SHISA9: variants seen among roughly 807,000 people sequenced by gnomAD.
SHISA9 encodes the protein protein shisa-9.
In SHISA9, 13 loss-of-function variants were observed where a neutral mutation model predicts 38.0. The ratio of observed to expected loss-of-function variants is 0.34; its 90% CI spans 0.22 to 0.54. The LOEUF (loss-of-function observed/expected upper bound fraction) is 0.54, where lower values mean the gene tolerates loss of function less well. Among genes scored for constraint, SHISA9 ranks in the 20% least tolerant of loss-of-function variants. SHISA9 has a pLI of 0.91. For synonymous variants in SHISA9, 275 were observed against 242.0 expected (o/e 1.14, Z -1.27); for missense variants, 538 against 575.8 (o/e 0.93, Z 0.67).
intron 2 of SHISA9, among the ~76,000 whole-genome samples, chr16:12,989,622 A>T (rs1367522275): frequency 6.6e-6 from 1 of 152,004 alleles, no homozygotes; most frequent in Non-Finnish European, 1.5e-5. Flanking sequence ...CTAAGAATGT[A>T]TGTCTACTTA....
intron 2 of SHISA9, among the ~76,000 whole-genome samples, chr16:12,934,874 A>G (rs1462619991): frequency 6.6e-6 from 1 of 152,184 alleles, no homozygotes; most frequent in South Asian, 2.1e-4. Context: ...CTTAAGCAAA[A>G]AAGGGAAATC....
At chr16:12,917,311 C>G (rs981232588) in intron 2 of SHISA9, among the ~76,000 whole-genome samples, 2 of 152,132 alleles carry the variant, frequency 1.3e-5, no homozygotes, top group African/African-American at 4.8e-5. Context: ...CTTTGTAACG[C>G]TAGAGTTTCA....
chr16:12,998,680 G>T (rs2072488638), intron 2 of SHISA9, among the ~76,000 whole-genome samples: 1 of 152,080 alleles, frequency 6.6e-6, no homozygotes, highest in South Asian at 2.1e-4. Context: ...ACAGGCATGG[G>T]CCCCCATGCT....
chr16:13,242,018 A>C (rs2051439153), downstream of SHISA9, among the ~76,000 whole-genome samples: 1 of 152,200 alleles, frequency 6.6e-6, no homozygotes, highest in Non-Finnish European at 1.5e-5. Flanking sequence ...CAACAACAAC[A>C]ATAATCATAG....
chr16:13,108,992 T>C lies in SHISA9; in HGVS notation c.692-94402T>C, dbSNP rs1006416424. On this transcript the variant is annotated intron_variant, in intron 2 of 4. Transcript: ENST00000558583. Reference sequence around the variant, plus strand: ...AGGGGTGTGACAGGTATATGATGATTCAGGGTGGCTGCTTTGACCTGGCTC... The same window carrying C: ...AGGGGTGTGACAGGTATATGATGATCCAGGGTGGCTGCTTTGACCTGGCTC... Among the ~76,000 whole-genome samples the C allele has an allele frequency of 1.1e-4, 16 of 152,300 alleles. No individual in the cohort carries two copies. In the South Asian group the frequency reaches 3.1e-3, roughly 30 times the overall value.
intron 4 of SHISA9, among the ~76,000 whole-genome samples, chr16:13,231,771 A>G (rs1292403437): frequency 2.0e-5 from 3 of 152,212 alleles, no homozygotes; most frequent in Non-Finnish European, 4.4e-5. Flanking sequence ...AATGATGTCT[A>G]GCATAGACAC....
the SHISA9 span, among the ~76,000 whole-genome samples, chr16:13,511,109 G>A: frequency 6.6e-6 from 1 of 152,164 alleles, no homozygotes; most frequent in Non-Finnish European, 1.5e-5. Context: ...TATAAATCAA[G>A]AGTAACTACT....
intron 2 of SHISA9, among the ~76,000 whole-genome samples, chr16:13,155,381 C>T (rs1489692706): frequency 6.6e-6 from 1 of 152,108 alleles, no homozygotes; most frequent in Non-Finnish European, 1.5e-5. Context: ...AAGTTGGTAG[C>T]TTAGTTCTTT....
chr16:13,559,541 C>G, the SHISA9 span, among the ~76,000 whole-genome samples: 1 of 151,904 alleles, frequency 6.6e-6, no homozygotes, highest in East Asian at 1.9e-4. Flanking sequence ...CCATGTCTGG[C>G]TAATTTTATA....
chr16:13,103,729 G>C (rs1312952789), intron 2 of SHISA9, among the ~76,000 whole-genome samples: 2 of 152,210 alleles, frequency 1.3e-5, no homozygotes, highest in Non-Finnish European at 2.9e-5. Flanking sequence ...CTTGCTTTCA[G>C]CTGACTGCAT....
rs1158814708 is a variant in SHISA9 at position 12,918,824 on chromosome 16, C to G, written c.691+2009C>G. On this transcript the variant is annotated intron_variant, in intron 2 of 4. Transcript: ENST00000558583. ...AACACTACATTCTTACAAGAATTGC[C>G]CAGATATTAATTTTATATAATCCTT... Among the ~76,000 whole-genome samples, 8 of 151,984 alleles carry G rather than the reference C, an allele frequency of 5.3e-5. No individual in the cohort carries two copies. In the East Asian group the frequency reaches 7.7e-4, roughly 15 times the overall value.
the SHISA9 span, among the ~76,000 whole-genome samples, chr16:13,277,669 CT>C: frequency 6.8e-6 from 1 of 147,950 alleles, no homozygotes; most frequent in Non-Finnish European, 1.5e-5. Context: ...TTTTTTTTTT[CT>C]TTTTTTGCAG....
At chr16:13,218,263 T>A (rs892982068) in intron 4 of SHISA9, among the ~76,000 whole-genome samples, 2 of 152,048 alleles carry the variant, frequency 1.3e-5, no homozygotes, top group African/African-American at 4.8e-5. Context: ...GCCCACTCAC[T>A]CCTAAGGAAT....
intron 2 of SHISA9, among the ~76,000 whole-genome samples, chr16:12,982,929 C>T (rs2072259782): frequency 6.6e-6 from 1 of 152,204 alleles, no homozygotes; most frequent in Non-Finnish European, 1.5e-5. Context: ...GTGAAATCTT[C>T]CCCATCCCCA....
rs148293686 is a variant in SHISA9 at position 12,960,842 on chromosome 16, C to T, written c.691+44027C>T. Among the ~76,000 whole-genome samples the T allele has an allele frequency of 4.6e-3, 698 of 152,222 alleles. 5 individuals are homozygous for T. The highest frequency in any genetic ancestry group is 7.1e-3 in the Non-Finnish European group (481 of 68,022). ...TCTTCCCTATCTCAGCCCTGTTTTC[C>T]TTTCCTTCCAGGAACATTTTGGTAA... is the stretch of plus-strand genomic sequence containing the variant. On this transcript the variant is annotated intron_variant, in intron 2 of 4. Coordinates refer to ENST00000558583, the MANE Select transcript of SHISA9 (RefSeq NM_001145204.3).
chr16:13,136,780 C>T (rs945388847), intron 2 of SHISA9, among the ~76,000 whole-genome samples: 1 of 152,134 alleles, frequency 6.6e-6, no homozygotes, highest in Non-Finnish European at 1.5e-5. Context: ...TAAGTCCACA[C>T]CATGTGGAAA....
chr16:13,444,490 G>A, the SHISA9 span, among the ~76,000 whole-genome samples: 1 of 151,918 alleles, frequency 6.6e-6, no homozygotes. Context: ...GAAGGGGAAA[G>A]TCTTGCAGGT....
the SHISA9 span, among the ~76,000 whole-genome samples, chr16:13,396,786 C>T: frequency 6.6e-6 from 1 of 152,180 alleles, no homozygotes; most frequent in Admixed American, 6.5e-5. Flanking sequence ...CATCAGTCCT[C>T]AAGGAGTCTT....
At chr16:13,393,578 A>G in the SHISA9 span, among the ~76,000 whole-genome samples, 1 of 152,196 alleles carries the variant, frequency 6.6e-6, no homozygotes, top group Non-Finnish European at 1.5e-5. Context: ...TCAGCCATCT[A>G]AATTGAATAA....
Sources: allele counts gnomAD v4.1 joint callset (sites outside exome capture counted in the v4.1 genomes callset), GRCh38; gene constraint gnomAD v4.1.1; transcripts MANE v1.5; gene names NCBI Gene and HGNC (gene_info 2026-07-23, HGNC 2026-07-21).